Variants in SUGCT observed in about 807,000 individuals in gnomAD.
The protein encoded by SUGCT is succinyl-CoA:glutarate-CoA transferase.
In SUGCT, 41 loss-of-function variants were observed where a neutral mutation model predicts 55.0. The ratio of observed to expected loss-of-function variants is 0.74; its 90% CI spans 0.58 to 0.97. The LOEUF (loss-of-function observed/expected upper bound fraction) is 0.97. Among genes scored for constraint, SUGCT ranks in the 50% least tolerant of loss-of-function variants. The pLI is 0.00. For synonymous variants in SUGCT, 187 were observed against 200.4 expected (o/e 0.93, Z 0.56); for missense variants, 568 against 547.8 (o/e 1.04, Z -0.37).
At chr7:40,959,601 G>A in the SUGCT span, among the ~76,000 whole-genome samples, 1 of 152,108 alleles carries the variant, frequency 6.6e-6, no homozygotes, top group Non-Finnish European at 1.5e-5. Flanking sequence ...TAGCTTGCTG[G>A]GCTCTATGGG....
At chr7:40,651,123 G>A (rs189391664) in intron 12 of SUGCT, among the ~76,000 whole-genome samples, 1 of 152,110 alleles carries the variant, frequency 6.6e-6, no homozygotes, top group Admixed American at 6.5e-5. Flanking sequence ...CTCTATCATT[G>A]GTGGGCATTT....
intron 12 of SUGCT, among the ~76,000 whole-genome samples, chr7:40,686,591 A>G (rs1008217168): frequency 6.7e-6 from 1 of 149,442 alleles, no homozygotes; most frequent in Non-Finnish European, 1.5e-5. Flanking sequence ...GTGGAAGCAG[A>G]TAAGATGGTA....
chr7:40,809,605 C>A (rs1165916674), intron 13 of SUGCT, among the ~76,000 whole-genome samples: 1 of 152,002 alleles, frequency 6.6e-6, no homozygotes, highest in East Asian at 1.9e-4. Context: ...GTCAACAGCT[C>A]ATGAAGATAG....
chr7:40,536,015 T>A (rs938247557), intron 12 of SUGCT, among the ~76,000 whole-genome samples: 10 of 152,180 alleles, frequency 6.6e-5, no homozygotes, highest in Non-Finnish European at 1.0e-4. Flanking sequence ...TTTGATGAGG[T>A]TATTTGTTTT....
chr7:40,948,134 T>G, the SUGCT span, among the ~76,000 whole-genome samples: 1 of 152,238 alleles, frequency 6.6e-6, no homozygotes, highest in Admixed American at 6.5e-5. Flanking sequence ...GAGTTTCTCT[T>G]CATGTCCTGT....
chr7:40,397,085 A>G (rs1396421561), intron 9 of SUGCT, among the ~76,000 whole-genome samples: 1 of 152,200 alleles, frequency 6.6e-6, no homozygotes, highest in Non-Finnish European at 1.5e-5. Context: ...GAAAACTCTG[A>G]TGATAGATTA....
chr7:40,828,531 C>T (rs1156751794), intron 13 of SUGCT, among the ~76,000 whole-genome samples: 1 of 151,008 alleles, frequency 6.6e-6, no homozygotes, highest in African/African-American at 2.4e-5. Context: ...TTTGTTTCCT[C>T]CTCCTATTAC....
In SUGCT at chr7:40,794,704, G is replaced by A. The variant is rs143268569; in HGVS notation, c.1153+45207G>A. ...CCTCCCCACTCTCCTCCTGCCTTCCGGAAAGATTTTTTATTTATTTTTTAT... is the reference window on the plus strand; with the variant it reads ...CCTCCCCACTCTCCTCCTGCCTTCCAGAAAGATTTTTTATTTATTTTTTAT... On this transcript the variant is annotated intron_variant, in intron 13 of 13. Transcript: ENST00000335693. 5.9e-4 allele frequency among the ~76,000 whole-genome samples: 90 copies of A among 151,902 alleles called. No individual in the cohort carries two copies. The East Asian group carries it at 0.013, about 22-fold the overall frequency.
the SUGCT span, among the ~76,000 whole-genome samples, chr7:40,991,933 A>G: frequency 3.6e-3 from 552 of 152,156 alleles, 3 homozygotes; most frequent in Non-Finnish European, 5.8e-3. Context: ...CTGCCAGAGA[A>G]TGTGTTTCCA....
At chr7:40,942,787 G>A in the SUGCT span, among the ~76,000 whole-genome samples, 6,088 of 151,240 alleles carry the variant, frequency 0.04, 136 homozygotes, top group South Asian at 0.074. Flanking sequence ...TGTCTGATTG[G>A]GTTAATTTGA....
At chr7:41,013,586 G>T in the SUGCT span, among the ~76,000 whole-genome samples, 3 of 152,146 alleles carry the variant, frequency 2.0e-5, no homozygotes, top group Non-Finnish European at 2.9e-5. Flanking sequence ...GTCTGTGTGC[G>T]TGCATCTAAG....
chr7:40,266,285 G>T (rs571776725), intron 7 of SUGCT, among the ~76,000 whole-genome samples: 233 of 146,460 alleles, frequency 1.6e-3, no homozygotes, highest in Non-Finnish European at 2.7e-3. Flanking sequence ...GAGTAGCTGG[G>T]ATTACAGGTG....
chr7:40,203,842 G>A (rs923652141), intron 6 of SUGCT, among the ~76,000 whole-genome samples: 1 of 151,800 alleles, frequency 6.6e-6, no homozygotes. Context: ...GGCTAATGTT[G>A]TAGATTTTCA....
intron 9 of SUGCT, among the ~76,000 whole-genome samples, chr7:40,407,977 C>T (rs1196213470): frequency 2.0e-5 from 3 of 151,980 alleles, no homozygotes; most frequent in Admixed American, 6.6e-5. Flanking sequence ...TTATTGATTT[C>T]GATGCCGCCA....
intron 3 of SUGCT, among the ~76,000 whole-genome samples, chr7:40,185,589 C>T (rs1423609096): frequency 2.6e-5 from 4 of 152,164 alleles, no homozygotes; most frequent in Admixed American, 6.6e-5. Flanking sequence ...ATGGCACGAT[C>T]TCGGCTCACT....
In SUGCT at chr7:40,212,854, G is replaced by A. The variant is rs151033361; in HGVS notation, c.484+17794G>A. On this transcript the variant is annotated intron_variant, in intron 6 of 13. Coordinates refer to ENST00000335693, the MANE Select transcript of SUGCT (RefSeq NM_001193313.2). ...AGCCTATAGTTGAAGATTTTAATGC[G>A]TCTTTCTCAGTGATTGATAAGAAAC... is the stretch of plus-strand genomic sequence containing the variant. 3.9e-5 allele frequency among the ~76,000 whole-genome samples: 6 copies of A among 152,130 alleles called. No homozygotes were observed. In the East Asian group the frequency reaches 1.2e-3, roughly 29 times the overall value.
the SUGCT span, among the ~76,000 whole-genome samples, chr7:40,869,675 T>A: frequency 6.6e-6 from 1 of 152,190 alleles, no homozygotes; most frequent in Non-Finnish European, 1.5e-5. Flanking sequence ...AATGTCATTT[T>A]TTTTTTCTCA....
chr7:40,379,841 C>T (rs746429345), intron 9 of SUGCT, among the ~76,000 whole-genome samples: 1 of 152,166 alleles, frequency 6.6e-6, no homozygotes, highest in Admixed American at 6.5e-5. Context: ...GGCATGCAAA[C>T]GTTTCATGTG....
At chr7:40,484,092 A>G (rs796873273) in intron 11 of SUGCT, among the ~76,000 whole-genome samples, 5 of 152,302 alleles carry the variant, frequency 3.3e-5, no homozygotes, top group African/African-American at 9.6e-5. Flanking sequence ...CAGAGAAATT[A>G]AGCAACTTGC....
Sources: gnomAD v4.1 joint callset for allele counts (sites outside exome capture counted in the v4.1 genomes callset) on GRCh38, gnomAD v4.1.1 for gene constraint, MANE v1.5 for transcripts, NCBI Gene and HGNC (gene_info 2026-07-23, HGNC 2026-07-21) for gene names.